The following CPSF4L variants were observed in gnomAD, a reference collection of about 807,000 sequenced individuals.
CPSF4L encodes the protein putative cleavage and polyadenylation specificity factor subunit 4-like protein.
A neutral mutation model predicts 24.0 loss-of-function variants in CPSF4L; 18 were observed. The observed-to-expected ratio is 0.75, with a 90% CI of 0.52 to 1.11. The LOEUF (loss-of-function observed/expected upper bound fraction) is 1.11, where lower values mean the gene tolerates loss of function less well. Ranked by LOEUF, CPSF4L falls within the 50% of genes least tolerant of loss-of-function variation. The pLI, the probability that CPSF4L is intolerant of heterozygous loss-of-function variation, is 0.00. For missense variants in CPSF4L, 211 were observed against 221.8 expected (o/e 0.95, Z 0.31); for synonymous variants, 72 against 77.2 (o/e 0.93, Z 0.35).
chr17:73,247,278 AC>A, downstream of CPSF4L: 2 of 1,614,148 alleles, frequency 1.2e-6, no homozygotes, highest in Non-Finnish European at 1.7e-6. Context: ...AGAGCACAGT[AC>A]CTCCATGCAT....
chr17:73,260,204 G>C (rs933395215), intron 2 of CPSF4L, among the ~76,000 whole-genome samples: 1 of 152,168 alleles, frequency 6.6e-6, no homozygotes, highest in South Asian at 2.1e-4. Context: ...GCAGGGGACT[G>C]GGGGAGAAGG....
chr17:73,257,689 G>C lies in CPSF4L; in HGVS notation c.299C>G (p.Ser100Cys). ...LTRMPECYFYSKFGDCSNKEC... is the reference protein window; with the variant it reads ...LTRMPECYFYCKFGDCSNKEC... ...CCAGGAAGAGGCCTTACCAAACTTG[G>C]AGTAGAAGTAGCACTCAGGCATCCT... Residue 100 changes from serine to cysteine, a missense_variant, in exon 3 of 6, where the codon TCC (serine) becomes TGC (cysteine). Physicochemically the swap from Ser to Cys is moderately radical, Grantham distance 112. Transcript: ENST00000344935. 6.4e-7 allele frequency: 1 copy of C among 1,551,612 alleles called. No homozygotes were observed. The highest frequency in any genetic ancestry group is 8.7e-7 in the Non-Finnish European group (1 of 1,146,990).
At chr17:73,253,888 G>C (rs1293310556) in intron 4 of CPSF4L, 43 bp downstream of exon 4, 2 of 1,395,042 alleles carry the variant, frequency 1.4e-6, no homozygotes, top group African/African-American at 1.4e-5. Flanking sequence ...CTCCCACCCT[G>C]ATCCCCACAG....
intron 5 of CPSF4L, among the ~76,000 whole-genome samples, chr17:73,249,309 A>G (rs2061992221): frequency 6.6e-6 from 1 of 152,154 alleles, no homozygotes; most frequent in Non-Finnish European, 1.5e-5. Context: ...GTGCCATGCA[A>G]GGTTTTTTAC....
chr17:73,258,954 T>C (rs551840657), intron 2 of CPSF4L, among the ~76,000 whole-genome samples: 6 of 152,354 alleles, frequency 3.9e-5, no homozygotes, highest in Non-Finnish European at 7.3e-5. Context: ...GAATATTCCA[T>C]GGAAATGTTA....
At chr17:73,250,266 C>A (rs1387518752) in intron 5 of CPSF4L, 3 of 1,550,552 alleles carry the variant, frequency 1.9e-6, no homozygotes, top group Non-Finnish European at 2.6e-6. Flanking sequence ...TCAGTTGAGT[C>A]TTACTGTACT....
downstream of CPSF4L, chr17:73,245,779 G>A: frequency 1.1e-6 from 1 of 881,162 alleles, no homozygotes; most frequent in Non-Finnish European, 1.4e-6. Context: ...TTTTAAAATA[G>A]CACACTAACT....
At chr17:73,248,866 A>G in intron 5 of CPSF4L, 1 of 272,640 alleles carries the variant, frequency 3.7e-6, no homozygotes, top group Non-Finnish European at 7.0e-6. Context: ...AAATAAAATC[A>G]TTTTATTATC....
At chr17:73,255,210 T>C (rs1437409067) in intron 3 of CPSF4L, among the ~76,000 whole-genome samples, 1 of 152,036 alleles carries the variant, frequency 6.6e-6, no homozygotes, top group East Asian at 1.9e-4. Context: ...TAAAGGAAAG[T>C]ACCCCTAGGC....
chr17:73,260,550 TGAGGTGAG>T (rs1261716268), intron 2 of CPSF4L, among the ~76,000 whole-genome samples: 1 of 152,068 alleles, frequency 6.6e-6, no homozygotes. Context: ...GTGGATCACC[TGAGGTGAG>T]GAGTTTGAGA....
At chr17:73,244,041 A>G (rs17184427), downstream of CPSF4L, among the ~76,000 whole-genome samples, 67,697 of 152,074 alleles carry the variant, frequency 0.45, 16,037 homozygotes, top group East Asian at 0.62. Flanking sequence ...CAGTTAATCT[A>G]CTTTGAACAC....
intron 3 of CPSF4L, among the ~76,000 whole-genome samples, chr17:73,254,337 C>T (rs1381862255): frequency 2.6e-5 from 4 of 152,166 alleles, no homozygotes; most frequent in African/African-American, 7.2e-5. Context: ...CAAGGAGAGC[C>T]GAGAAGGCCT....
rs1262316850 is a variant in CPSF4L at position 73,257,787 on chromosome 17, T to C, written c.201A>G (p.Val67=). The change falls in exon 3 of 6, where the codon GTA becomes GTG. Residue 67 remains valine (V), a synonymous_variant. Coordinates refer to ENST00000344935, the MANE Select transcript of CPSF4L (RefSeq NM_001129885.1). ...AGAGCCCCCGGAGCCAGTGCTTGCA[T>C]ACCACCATCTTCTCCCCTCGGTCAT... ...FRHDRGEKMV[V]CKHWLRGLCK... is the part of the protein sequence containing the mutation. The C allele has an allele frequency of 1.3e-6, 2 of 1,551,618 alleles. No individual in the cohort carries two copies. The highest frequency in any genetic ancestry group is 1.7e-6 in the Non-Finnish European group (2 of 1,146,964).
intron 3 of CPSF4L, among the ~76,000 whole-genome samples, chr17:73,256,756 G>A (rs2145280336): frequency 6.6e-6 from 1 of 152,332 alleles, no homozygotes; most frequent in African/African-American, 2.4e-5. Context: ...GCCGGGCACC[G>A]CAGCTCACAC....
At chr17:73,259,213 T>A (rs2062035700) in intron 2 of CPSF4L, among the ~76,000 whole-genome samples, 2 of 152,106 alleles carry the variant, frequency 1.3e-5, no homozygotes, top group South Asian at 4.1e-4. Context: ...CTAATTTTTT[T>A]ATTTTTTGTA....
chr17:73,252,343 A>G (rs1199519829), intron 5 of CPSF4L, among the ~76,000 whole-genome samples: 1 of 152,156 alleles, frequency 6.6e-6, no homozygotes, highest in Non-Finnish European at 1.5e-5. Context: ...CGTGAGGGAG[A>G]ATTACAGAGG....
downstream of CPSF4L, among the ~76,000 whole-genome samples, chr17:73,243,999 C>G (rs559512610): frequency 6.6e-6 from 1 of 152,196 alleles, no homozygotes; most frequent in African/African-American, 2.4e-5. Flanking sequence ...ACAGCTGTCA[C>G]TTACCAATGT....
At chr17:73,242,111 T>C in the CPSF4L span, 1 of 535,786 alleles carries the variant, frequency 1.9e-6, no homozygotes. Context: ...TGCAGTCCAA[T>C]GCAGAAATCT....
downstream of CPSF4L, chr17:73,248,303 G>T (rs2061979942): frequency 6.7e-6 from 4 of 596,152 alleles, no homozygotes; most frequent in Non-Finnish European, 9.0e-6. Context: ...TACGCTTCAG[G>T]TGTGAGGCGG....
Sources: gnomAD v4.1 joint callset for allele counts (sites outside exome capture counted in the v4.1 genomes callset) on GRCh38, gnomAD v4.1.1 for gene constraint, MANE v1.5 for transcripts, NCBI Gene and HGNC (gene_info 2026-07-23, HGNC 2026-07-21) for gene names.